The following OPCML variants were observed in gnomAD, a reference collection of about 807,000 sequenced individuals.
The protein encoded by OPCML is opioid-binding protein/cell adhesion molecule.
A neutral mutation model predicts 37.8 loss-of-function variants in OPCML; 13 were observed. The ratio of observed to expected loss-of-function variants is 0.34; its 90% CI spans 0.22 to 0.55. OPCML has a LOEUF of 0.55. Among genes scored for constraint, OPCML ranks in the 20% least tolerant of loss-of-function variants. OPCML has a pLI of 0.91. For missense variants in OPCML, 341 were observed against 435.6 expected, an observed-to-expected ratio of 0.78 and a Z score of 1.93; for synonymous variants, 176 against 168.8, an observed-to-expected ratio of 1.04 and a Z score of -0.33.
At chr11:133,044,258 G>A (rs2136952468) in intron 1 of OPCML, among the ~76,000 whole-genome samples, 1 of 152,322 alleles carries the variant, frequency 6.6e-6, no homozygotes, top group East Asian at 1.9e-4. Context: ...GGGAGCTAGA[G>A]AAAGGGGTAA....
chr11:132,514,236 C>T (rs901328519), intron 4 of OPCML, among the ~76,000 whole-genome samples: 5 of 152,098 alleles, frequency 3.3e-5, no homozygotes, highest in African/African-American at 9.7e-5. Context: ...GAGGACATGC[C>T]ATGGCATGGT....
At chr11:132,806,570 T>A (rs1294970556) in intron 2 of OPCML, among the ~76,000 whole-genome samples, 1 of 152,134 alleles carries the variant, frequency 6.6e-6, no homozygotes, top group Non-Finnish European at 1.5e-5. Context: ...ATCTTAAATA[T>A]GTATTCACCT....
rs374017487 is a variant in OPCML at position 132,861,764 on chromosome 11, G to C, written c.146+81162C>G. On this transcript the variant is annotated intron_variant, in intron 2 of 7. Coordinates refer to ENST00000524381, the MANE Select transcript of OPCML (RefSeq NM_001012393.5). ...GCAGGGGAATCGCTTGAACCCGGGA[G>C]GCGGAGCTTGCAGTGAGCTGAGATC... is the stretch of plus-strand genomic sequence containing the variant. 9.2e-4 allele frequency among the ~76,000 whole-genome samples: 140 copies of C among 151,908 alleles called. 1 individual carries two copies. In the Middle Eastern group the frequency reaches 0.02, roughly 22 times the overall value.
At chr11:132,770,821 G>T (rs1001661426) in intron 2 of OPCML, among the ~76,000 whole-genome samples, 6 of 152,140 alleles carry the variant, frequency 3.9e-5, no homozygotes, top group East Asian at 1.9e-4. Flanking sequence ...GAGAAGGGGG[G>T]ACTCAGGGGG....
intron 3 of OPCML, among the ~76,000 whole-genome samples, chr11:132,604,158 C>T (rs1938116967): frequency 6.6e-6 from 1 of 152,262 alleles, no homozygotes; most frequent in Non-Finnish European, 1.5e-5. Flanking sequence ...TCATGTGTGA[C>T]CTCTGTTGGG....
At chr11:132,497,397 A>G (rs1358127089) in intron 4 of OPCML, among the ~76,000 whole-genome samples, 1 of 146,030 alleles carries the variant, frequency 6.8e-6, no homozygotes. Context: ...GTACCCCTGA[A>G]CTTAAAATAA....
At chr11:132,496,874 A>G (rs903832496) in intron 4 of OPCML, among the ~76,000 whole-genome samples, 2 of 152,224 alleles carry the variant, frequency 1.3e-5, no homozygotes, top group African/African-American at 4.8e-5. Flanking sequence ...ACGATGCCCT[A>G]CAGAGCCTTC....
At chr11:132,657,433 AAC>A in intron 2 of OPCML, 114 bp from the exon 3 acceptor site, 2 of 1,461,948 alleles carry the variant, frequency 1.4e-6, no homozygotes, top group African/African-American at 1.4e-5. Flanking sequence ...GAAACAACAA[AAC>A]ACAGTGCTAA....
chr11:133,369,737 C>T (rs1460453368), intron 1 of OPCML, among the ~76,000 whole-genome samples: 20 of 152,046 alleles, frequency 1.3e-4, no homozygotes, highest in Non-Finnish European at 1.5e-4. Context: ...CACATACCCA[C>T]ACACACCATT....
At chr11:132,744,250 G>A (rs1284192585) in intron 2 of OPCML, among the ~76,000 whole-genome samples, 3 of 152,116 alleles carry the variant, frequency 2.0e-5, no homozygotes, top group Non-Finnish European at 4.4e-5. Flanking sequence ...GGGACTCCTG[G>A]CCCATTTTTT....
At chr11:133,021,150 A>G (rs935727951) in intron 1 of OPCML, among the ~76,000 whole-genome samples, 2 of 152,198 alleles carry the variant, frequency 1.3e-5, no homozygotes, top group African/African-American at 2.4e-5. Context: ...CATCAAGATG[A>G]CATGGTCCTT....
chr11:133,013,960 G>T (rs560008750), intron 1 of OPCML, among the ~76,000 whole-genome samples: 1 of 152,176 alleles, frequency 6.6e-6, no homozygotes. Flanking sequence ...CTTAAAAGTA[G>T]GACATAGATT....
intron 1 of OPCML, among the ~76,000 whole-genome samples, chr11:133,419,979 C>T (rs1945852111): frequency 6.6e-6 from 1 of 152,200 alleles, no homozygotes; most frequent in South Asian, 2.1e-4. Context: ...CATGTCGGAA[C>T]TACACTTGTT....
intron 1 of OPCML, among the ~76,000 whole-genome samples, chr11:133,340,999 C>A (rs1037158658): frequency 3.9e-5 from 6 of 152,110 alleles, no homozygotes; most frequent in African/African-American, 1.4e-4. Flanking sequence ...CCCATCACTG[C>A]CTATCCCCCT....
chr11:133,437,636 C>G (rs1946264223), intron 1 of OPCML, among the ~76,000 whole-genome samples: 1 of 145,756 alleles, frequency 6.9e-6, no homozygotes, highest in Non-Finnish European at 1.5e-5. Context: ...GCTCACCTCT[C>G]CCCTCTCAAC....
chr11:133,232,182 C>G (rs149668936), intron 1 of OPCML, among the ~76,000 whole-genome samples: 200 of 152,164 alleles, frequency 1.3e-3, no homozygotes, highest in African/African-American at 4.6e-3. Context: ...CCAGTGGCTC[C>G]CCAGATGTCC....
intron 1 of OPCML, among the ~76,000 whole-genome samples, chr11:133,093,288 T>C (rs1240872127): frequency 6.6e-6 from 1 of 151,432 alleles, no homozygotes; most frequent in Non-Finnish European, 1.5e-5. Context: ...ATTTTCATTC[T>C]TTTTTTTAAA....
chr11:132,717,459 C>T (rs1015580553), intron 2 of OPCML, among the ~76,000 whole-genome samples: 1 of 151,896 alleles, frequency 6.6e-6, no homozygotes, highest in Non-Finnish European at 1.5e-5. Flanking sequence ...AAATAGTATG[C>T]AAACATCACT....
intron 1 of OPCML, among the ~76,000 whole-genome samples, chr11:133,081,617 T>C (rs1948717790): frequency 6.6e-6 from 1 of 152,166 alleles, no homozygotes; most frequent in African/African-American, 2.4e-5. Flanking sequence ...CATTCTCCCT[T>C]TGGATAAGCC....
Sources: allele counts gnomAD v4.1 joint callset (sites outside exome capture counted in the v4.1 genomes callset), GRCh38; gene constraint gnomAD v4.1.1; transcripts MANE v1.5; gene names NCBI Gene and HGNC (gene_info 2026-07-23, HGNC 2026-07-21).